Variants in PXDN observed in about 807,000 individuals in gnomAD.
PXDN encodes peroxidasin.
PXDN carries 77 observed loss-of-function variants against 140.3 expected under a neutral mutation model. The ratio of observed to expected loss-of-function variants is 0.55; its 90% CI spans 0.46 to 0.66. The LOEUF is 0.66. Among genes scored for constraint, PXDN ranks in the 30% least tolerant of loss-of-function variants. The pLI, the probability that PXDN is intolerant of heterozygous loss-of-function variation, is 0.00. For synonymous variants in PXDN, 911 were observed against 857.4 expected (o/e 1.06, Z -1.09); for missense variants, 1,838 against 2,039.5 (o/e 0.90, Z 1.90).
At position 1,648,691 on chromosome 2, in the gene PXDN, G is replaced by A. The variant is rs1360186882; in HGVS notation, c.3089C>T (p.Thr1030Ile). ...GATCTTCGGGAGCCAGTGCTGGTAG[G>A]TGATGTGCTGGATCTCCGCACCCAC... Reference protein sequence around the residue: ...KIVGAEIQHITYQHWLPKILG... With the variant: ...KIVGAEIQHIIYQHWLPKILG... Residue 1030 changes from threonine to isoleucine, a missense_variant, in exon 17 of 23, where the codon ACC becomes ATC. Physicochemically the swap from Thr to Ile is moderately conservative, Grantham distance 89. Around this residue, in one of 5 missense-constraint regions of PXDN, gnomAD observed 850 missense variants for 894.1 expected, o/e 0.95. Transcript: ENST00000252804. The surrounding 1 kb of genome is among the most constrained non-coding windows in gnomAD (Gnocchi z 8.9). The A allele has an allele frequency of 1.2e-6, 2 of 1,607,530 alleles. No homozygotes were observed. The highest frequency in any genetic ancestry group is 1.7e-6 in the Non-Finnish European group (2 of 1,177,430).
intron 1 of PXDN, among the ~76,000 whole-genome samples, chr2:1,707,725 A>G (rs1308162180): frequency 6.6e-6 from 1 of 152,130 alleles, no homozygotes; most frequent in Non-Finnish European, 1.5e-5. Context: ...GAATGAACAC[A>G]CTCTGGGTTC....
At chr2:1,733,748 CAAA>C (rs72208257) in intron 1 of PXDN, among the ~76,000 whole-genome samples, 5 of 79,244 alleles carry the variant, frequency 6.3e-5, no homozygotes, top group Admixed American at 1.8e-4. Flanking sequence ...TGTCAAATGA[CAAA>C]AAAAAAAAAA....
intron 1 of PXDN, among the ~76,000 whole-genome samples, chr2:1,720,612 G>GCTCTCTCTGCATCTCTTT (rs1558526080): frequency 9.9e-6 from 1 of 101,432 alleles, no homozygotes; most frequent in East Asian, 3.1e-4. Flanking sequence ...CTCAGATACA[G>GCTCTCTCTGCATCTCTTT]CTCTCTCTGC....
At chr2:1,729,912 A>ATGG (rs1685274779) in intron 1 of PXDN, among the ~76,000 whole-genome samples, 1 of 152,220 alleles carries the variant, frequency 6.6e-6, no homozygotes, top group South Asian at 2.1e-4. Flanking sequence ...AACAATGATG[A>ATGG]TGGAGGCCTC....
chr2:1,665,390 C>A (rs1424855549), intron 10 of PXDN, among the ~76,000 whole-genome samples: 1 of 152,216 alleles, frequency 6.6e-6, no homozygotes, highest in Non-Finnish European at 1.5e-5. Flanking sequence ...ACAACGATTC[C>A]TCTCAATCCT....
At chr2:1,634,386 T>C (rs1682493790) in intron 22 of PXDN, 63 bp from the exon 23 acceptor site, 1 of 1,512,846 alleles carries the variant, frequency 6.6e-7, no homozygotes, top group Non-Finnish European at 8.9e-7. Flanking sequence ...GAGCAAAGCC[T>C]GTCAGCTCCG....
rs1044192678 is a variant in PXDN at position 1,687,935 on chromosome 2, C to G, written c.345-232G>C. ...CCAACTGAAGGTGATCAAACCACTG[C>G]GACGGGTTTTTCAGGCAACTCACAG... On this transcript the variant is annotated intron_variant, in intron 3 of 22. Coordinates refer to ENST00000252804, the MANE Select transcript of PXDN (RefSeq NM_012293.3). This position sits in a 1 kb window ranked among gnomAD's most constrained non-coding sequence, Gnocchi z 4.0. 6.6e-6 allele frequency among the ~76,000 whole-genome samples: 1 copy of G among 152,156 alleles called. No individual in the cohort carries two copies. Among genetic ancestry groups the G allele is most frequent in the Non-Finnish European group, 1.5e-5 (1 of 68,034 alleles).
Position 1,649,347 on chromosome 2 carries a change from G to A in PXDN, c.2433C>T (p.Asp811=), listed in dbSNP as rs776692929. 19 of 1,613,778 alleles carry A rather than the reference G, an allele frequency of 1.2e-5. No homozygotes were observed. Among genetic ancestry groups the A allele is most frequent in the East Asian group, 2.2e-5 (1 of 44,862 alleles). ...TLIGTETVTP[D]EQFTHMLMQW... is the part of the protein sequence containing the mutation. ...GCATCAGCATGTGGGTGAACTGCTC[G>A]TCGGGTGTGACGGTCTCCGTCCCGA... Residue 811 remains aspartate (D), a synonymous_variant, in exon 17 of 23, where the codon GAC becomes GAT. Coordinates refer to ENST00000252804, the MANE Select transcript of PXDN (RefSeq NM_012293.3). The surrounding 1 kb of genome is among the most constrained non-coding windows in gnomAD (Gnocchi z 7.1).
Position 1,717,349 on chromosome 2 carries a change from T to C in PXDN, c.201-24215A>G, listed in dbSNP as rs186119579. Among the ~76,000 whole-genome samples the C allele has an allele frequency of 2.4e-4, 37 of 152,292 alleles. No individual in the cohort carries two copies. In the East Asian group the frequency reaches 7.2e-3, roughly 29 times the overall value. ...TTCAAGGCCTCTTTGTTCTCGGTTC[T>C]GCGGATCAGTCCAAATGCCTCTCGC... On this transcript the variant is annotated intron_variant, in intron 1 of 22. Transcript: ENST00000252804.
At position 1,653,655 on chromosome 2, in the gene PXDN, C is replaced by T; in HGVS notation, c.2077G>A (p.Gly693Ser). The T allele has an allele frequency of 6.2e-7, 1 of 1,612,666 alleles. No homozygotes were observed. The highest frequency in any genetic ancestry group is 8.5e-7 in the Non-Finnish European group (1 of 1,179,494). The part of the protein sequence containing the change: ...LQLIQEHVQH[G>S]LMVDLNGTSY... Reference sequence around the variant, plus strand: ...GTTCCGTTGAGGTCGACCATCAAGCCATGCTGTACATGCTCCTGAATGAGC... The same window carrying T: ...GTTCCGTTGAGGTCGACCATCAAGCTATGCTGTACATGCTCCTGAATGAGC... Residue 693 changes from glycine (G) to serine (S), a missense_variant, in exon 16 of 23, where the codon GGC becomes AGC. Around this residue, in one of 5 missense-constraint regions of PXDN, gnomAD observed 537 missense variants for 583.9 expected, o/e 0.92. Coordinates refer to ENST00000252804, the MANE Select transcript of PXDN (RefSeq NM_012293.3).
rs1281652695 is a variant in PXDN at position 1,649,328 on chromosome 2, G to A, written c.2452C>T (p.Leu818=). The stretch of plus-strand genomic sequence containing the variant: ...TCCAGGAACTGGCCCCACTGCATCA[G>A]CATGTGGGTGAACTGCTCGTCGGGT... ...VTPDEQFTHM[L]MQWGQFLDHD... The change falls in exon 17 of 23, where the codon CTG becomes TTG. Residue 818 remains leucine, a synonymous_variant. Coordinates refer to ENST00000252804, the MANE Select transcript of PXDN (RefSeq NM_012293.3). The surrounding 1 kb of genome is among the most constrained non-coding windows in gnomAD (Gnocchi z 7.1). The A allele has an allele frequency of 6.2e-7, 1 of 1,613,854 alleles. No individual in the cohort carries two copies. Among genetic ancestry groups the A allele is most frequent in the Admixed American group, 1.7e-5 (1 of 60,008 alleles).
Position 1,634,132 on chromosome 2 carries a change from G to A in PXDN, c.*72C>T, listed in dbSNP as rs1197072480. ...CTGGGTGTTTCCTGGTCTGCAGTCC[G>A]CAGCTCCCTGCCATCGGCCACCCGA... is the stretch of plus-strand genomic sequence containing the variant. On this transcript the variant is annotated 3_prime_UTR_variant, in exon 23 of 23. Transcript: ENST00000252804. 1.1e-5 allele frequency: 17 copies of A among 1,536,000 alleles called. No individual in the cohort carries two copies. Among genetic ancestry groups the A allele is most frequent in the East Asian group, 7.4e-5 (3 of 40,592 alleles).
At chr2:1,692,136 G>A (rs749573072) in intron 2 of PXDN, 137 bp from the exon 3 acceptor site, 321 of 656,304 alleles carry the variant, frequency 4.9e-4, no homozygotes, top group Middle Eastern at 7.6e-4. Flanking sequence ...TTCAACGAAC[G>A]CTGAACCCGC....
intron 21 of PXDN, among the ~76,000 whole-genome samples, chr2:1,637,688 C>CAGCTGCACGGGATGAGGGGGCAGG (rs1682601869): frequency 1.6e-5 from 2 of 127,594 alleles, no homozygotes; most frequent in African/African-American, 3.0e-5. Flanking sequence ...GGAGGACCTG[C>CAGCTGCACGGGATGAGGGGGCAGG]CACACGCTGT....
chr2:1,661,988 T>G, intron 13 of PXDN, 84 bp downstream of exon 13: 1 of 1,273,568 alleles, frequency 7.9e-7, no homozygotes, highest in Non-Finnish European at 1.1e-6. Context: ...TCCGCCTACC[T>G]TGCTCCAGGT....
intron 14 of PXDN, among the ~76,000 whole-genome samples, chr2:1,658,037 T>TCGCTCG (rs1384123605): frequency 4.8e-5 from 1 of 20,680 alleles, no homozygotes; most frequent in African/African-American, 1.8e-4. Flanking sequence ...GCTCTCTCTC[T>TCGCTCG]CTCTCTCTCT....
intron 13 of PXDN, among the ~76,000 whole-genome samples, chr2:1,661,356 C>T (rs912023986): frequency 6.6e-6 from 1 of 152,126 alleles, no homozygotes; most frequent in Non-Finnish European, 1.5e-5. Context: ...TGGTGGGGGG[C>T]CCTACAAAGA....
Position 1,744,280 on chromosome 2 carries a change from G to T in PXDN, c.176C>A (p.Ala59Asp). ...CAGGATGGAGGTCTGCGGCGCCACG[G>T]CGGGCACGGCCTCCAGCAGCAGATG... ...CMHLLLEAVPAVAPQTSILDL... is the reference protein window; with the variant it reads ...CMHLLLEAVPDVAPQTSILDL... Residue 59 changes from alanine to aspartate, a missense_variant, in exon 1 of 23, where the codon GCC (alanine) becomes GAC (aspartate). Coordinates refer to ENST00000252804, the MANE Select transcript of PXDN (RefSeq NM_012293.3). 6.6e-7 allele frequency: 1 copy of T among 1,519,652 alleles called. No homozygotes were observed. Among genetic ancestry groups the T allele is most frequent in the Middle Eastern group, 1.9e-4 (1 of 5,252 alleles). The allele number at this position is 1,519,652 out of a possible 1,614,324, so 94.1% of individuals were successfully genotyped here.
At chr2:1,670,993 G>A (rs1277673115) in intron 9 of PXDN, among the ~76,000 whole-genome samples, 1 of 152,152 alleles carries the variant, frequency 6.6e-6, no homozygotes, top group African/African-American at 2.4e-5. Context: ...CGACAGAAGA[G>A]CTGAGATAAA....
Sources: gnomAD v4.1 joint callset for allele counts (sites outside exome capture counted in the v4.1 genomes callset) on GRCh38, gnomAD v4.1.1 for gene constraint, gnomAD v4.1.1 regional missense constraint, Gnocchi (gnomAD v3.1) non-coding constraint, MANE v1.5 for transcripts, NCBI Gene and HGNC (gene_info 2026-07-23, HGNC 2026-07-21) for gene names.